The following SLC44A5 variants were observed in gnomAD, a reference collection of about 807,000 sequenced individuals.
SLC44A5 encodes solute carrier family 44 member 5, also known as choline transporter-like protein 5.
Under a neutral mutation model 101.8 loss-of-function variants are expected in SLC44A5, and 57 were observed. The observed-to-expected ratio is 0.56, with a 90% CI of 0.45 to 0.70. The LOEUF is 0.70. SLC44A5 is among the 30% of genes least tolerant of loss of function. The pLI is 0.00. For synonymous variants in SLC44A5, 281 were observed against 290.9 expected, an observed-to-expected ratio of 0.97 and a Z score of 0.35; for missense variants, 737 against 853.1, an observed-to-expected ratio of 0.86 and a Z score of 1.70.
chr1:75,254,796 C>T (rs574509801), intron 6 of SLC44A5, among the ~76,000 whole-genome samples: 22 of 152,138 alleles, frequency 1.4e-4, no homozygotes, highest in Admixed American at 2.0e-4. Flanking sequence ...AGAGATTAAT[C>T]GAAAGTTTCT....
chr1:75,331,056 C>T (rs1214669152), intron 4 of SLC44A5, among the ~76,000 whole-genome samples: 4 of 146,620 alleles, frequency 2.7e-5, no homozygotes, highest in Non-Finnish European at 4.5e-5. Context: ...TGTACTGATT[C>T]TTCCACCTCT....
At chr1:75,492,468 G>T (rs1485608144) in intron 2 of SLC44A5, among the ~76,000 whole-genome samples, 1 of 152,172 alleles carries the variant, frequency 6.6e-6, no homozygotes, top group Admixed American at 6.5e-5. Flanking sequence ...ATGAATGTAT[G>T]ATTGAATTAA....
intron 4 of SLC44A5, among the ~76,000 whole-genome samples, chr1:75,332,919 T>A (rs2101006896): frequency 6.6e-6 from 1 of 152,360 alleles, no homozygotes; most frequent in African/African-American, 2.4e-5. Flanking sequence ...CACTGTGCTG[T>A]CTTCTAAATG....
At chr1:75,590,282 G>A (rs1416125145) in intron 1 of SLC44A5, among the ~76,000 whole-genome samples, 3 of 152,112 alleles carry the variant, frequency 2.0e-5, no homozygotes, top group Non-Finnish European at 2.9e-5. Flanking sequence ...CTAGGCCCTA[G>A]CTGACAGATG....
intron 1 of SLC44A5, among the ~76,000 whole-genome samples, chr1:75,549,331 A>G (rs1671815523): frequency 6.6e-6 from 1 of 152,134 alleles, no homozygotes. Context: ...AAAGTTAACC[A>G]CAAATCTCAG....
chr1:75,376,689 T>C (rs1660644452), intron 3 of SLC44A5, among the ~76,000 whole-genome samples: 1 of 151,386 alleles, frequency 6.6e-6, no homozygotes, highest in Non-Finnish European at 1.5e-5. Flanking sequence ...TACATCACCA[T>C]CATCAAAGAC....
chr1:75,566,496 A>G (rs1217181463), intron 1 of SLC44A5, among the ~76,000 whole-genome samples: 1 of 152,222 alleles, frequency 6.6e-6, no homozygotes, highest in Non-Finnish European at 1.5e-5. Context: ...TATGAAATAA[A>G]TCATGCTGCT....
At chr1:75,606,446 C>A (rs938798235) in intron 1 of SLC44A5, among the ~76,000 whole-genome samples, 16 of 151,984 alleles carry the variant, frequency 1.1e-4, no homozygotes, top group African/African-American at 3.1e-4. Context: ...AAACCCACCT[C>A]AATACACAGA....
intron 3 of SLC44A5, among the ~76,000 whole-genome samples, chr1:75,379,067 C>T (rs1315343557): frequency 2.5e-5 from 2 of 78,976 alleles, no homozygotes; most frequent in Admixed American, 1.2e-4. Context: ...ACCAATGCCA[C>T]CTGGAGAAGG....
the SLC44A5 span, among the ~76,000 whole-genome samples, chr1:75,690,390 A>T: frequency 6.6e-6 from 1 of 152,126 alleles, no homozygotes; most frequent in Non-Finnish European, 1.5e-5. Flanking sequence ...TCTCTCCTTT[A>T]ACACACGGGG....
At chr1:75,609,965 A>T (rs1675556269) in intron 1 of SLC44A5, among the ~76,000 whole-genome samples, 2 of 152,096 alleles carry the variant, frequency 1.3e-5, no homozygotes, top group African/African-American at 4.8e-5. Context: ...GCTATCATGA[A>T]ATTCAGTCAG....
chr1:75,329,814 G>T (rs1031380274), intron 4 of SLC44A5, among the ~76,000 whole-genome samples: 14 of 151,964 alleles, frequency 9.2e-5, no homozygotes, highest in African/African-American at 3.4e-4. Context: ...ACTTTGTATG[G>T]TACATGCCTA....
At chr1:75,352,306 G>A (rs1204926710) in intron 3 of SLC44A5, among the ~76,000 whole-genome samples, 1 of 151,862 alleles carries the variant, frequency 6.6e-6, no homozygotes, top group African/African-American at 2.4e-5. Context: ...CCCATCACCC[G>A]GGTATTAAGT....
chr1:75,701,050 G>T, the SLC44A5 span, among the ~76,000 whole-genome samples: 112 of 152,118 alleles, frequency 7.4e-4, no homozygotes, highest in African/African-American at 2.6e-3. Context: ...AGGACCAGAT[G>T]GATTCACAGC....
chr1:75,680,638 A>G, the SLC44A5 span, among the ~76,000 whole-genome samples: 1 of 151,224 alleles, frequency 6.6e-6, no homozygotes, highest in Non-Finnish European at 1.5e-5. Flanking sequence ...TTATAGCACT[A>G]AATGCCCACA....
At chr1:75,289,506 C>G (rs747703267) in intron 5 of SLC44A5, among the ~76,000 whole-genome samples, 21 of 152,132 alleles carry the variant, frequency 1.4e-4, no homozygotes, top group Non-Finnish European at 2.6e-4. Flanking sequence ...GTACTCCATT[C>G]CCAATGGATA....
chr1:75,697,387 G>C, the SLC44A5 span, among the ~76,000 whole-genome samples: 34 of 152,202 alleles, frequency 2.2e-4, no homozygotes, highest in African/African-American at 8.0e-4. Flanking sequence ...AGGCTCAGAA[G>C]AGTTCAGTAA....
chr1:75,444,937 T>C (rs953350566), intron 2 of SLC44A5, among the ~76,000 whole-genome samples: 1 of 151,760 alleles, frequency 6.6e-6, no homozygotes, highest in African/African-American at 2.4e-5. Context: ...ATGATGGAGA[T>C]TGAGGAGAAA....
chr1:75,502,381 G>A (rs1421813220), intron 2 of SLC44A5, among the ~76,000 whole-genome samples: 4 of 152,126 alleles, frequency 2.6e-5, no homozygotes, highest in Non-Finnish European at 4.4e-5. Context: ...CTGTATATCT[G>A]GCAGCATGTT....
Sources: gnomAD v4.1 joint callset for allele counts (sites outside exome capture counted in the v4.1 genomes callset) on GRCh38, gnomAD v4.1.1 for gene constraint, MANE v1.5 for transcripts, NCBI Gene and HGNC (gene_info 2026-07-23, HGNC 2026-07-21) for gene names.